AGO4: variants seen among roughly 807,000 people sequenced by gnomAD.
The protein encoded by AGO4 is protein argonaute-4.
AGO4 carries 33 observed loss-of-function variants against 104.7 expected under a neutral mutation model. The observed-to-expected ratio is 0.32, with a 90% CI of 0.24 to 0.42. The LOEUF (loss-of-function observed/expected upper bound fraction) is 0.42, where lower values mean the gene tolerates loss of function less well. Ranked by LOEUF, AGO4 falls within the 10% of genes least tolerant of loss-of-function variation. The pLI, the probability that AGO4 is intolerant of heterozygous loss-of-function variation, is 1.00. For synonymous variants in AGO4, 331 were observed against 364.7 expected, an observed-to-expected ratio of 0.91 and a Z score of 1.05; for missense variants, 711 against 1,083.4, an observed-to-expected ratio of 0.66 and a Z score of 4.83.
At position 35,856,891 on chromosome 1, in the gene AGO4, G is replaced by C. The variant is rs540218933; in HGVS notation, c.*3286G>C. On this transcript the variant is annotated 3_prime_UTR_variant, in exon 18 of 18. Transcript: ENST00000373210. ...CAAATGTTGAACCAATTATGTTTTG[G>C]TGGTGGTGTTCTTAGCTGTTGAATC... is the stretch of plus-strand genomic sequence containing the variant. 1 of 152,130 alleles carries C rather than the reference G, an allele frequency of 6.6e-6. No individual in the cohort carries two copies. The highest frequency in any genetic ancestry group is 2.4e-5 in the African/African-American group (1 of 41,410). The allele number at this position is 152,130 out of a possible 1,614,324, so 9.4% of individuals were successfully genotyped here.
intron 2 of AGO4, among the ~76,000 whole-genome samples, chr1:35,821,070 T>C (rs1643877600): frequency 6.6e-6 from 1 of 152,210 alleles, no homozygotes; most frequent in Admixed American, 6.5e-5. Flanking sequence ...TTCTTTTTTC[T>C]TTTCTTTAAT....
intron 13 of AGO4, 108 bp downstream of exon 13, chr1:35,836,101 T>G: frequency 1.6e-6 from 2 of 1,238,230 alleles, no homozygotes; most frequent in Non-Finnish European, 2.2e-6. Flanking sequence ...TTCTCTTGTA[T>G]ATATATGCAC....
chr1:35,829,059 T>A (rs1399194628), intron 7 of AGO4, among the ~76,000 whole-genome samples: 1 of 151,406 alleles, frequency 6.6e-6, no homozygotes, highest in East Asian at 1.9e-4. Context: ...TTGCTTATAT[T>A]CTAATCTGAC....
chr1:35,809,741 C>G (rs1643437461), intron 1 of AGO4, among the ~76,000 whole-genome samples: 4 of 152,132 alleles, frequency 2.6e-5, no homozygotes, highest in Admixed American at 2.6e-4. Flanking sequence ...GGGAAAATTA[C>G]TCAATTCCTT....
intron 1 of AGO4, among the ~76,000 whole-genome samples, chr1:35,815,443 G>T (rs909801295): frequency 6.6e-6 from 1 of 152,046 alleles, no homozygotes; most frequent in Non-Finnish European, 1.5e-5. Context: ...ATTAATAGAT[G>T]TTCAAATCTT....
intron 1 of AGO4, among the ~76,000 whole-genome samples, chr1:35,816,473 G>A (rs1244077298): frequency 6.6e-6 from 1 of 152,056 alleles, no homozygotes; most frequent in Non-Finnish European, 1.5e-5. Context: ...AATAACTGTA[G>A]CCATCATCAT....
In AGO4 at chr1:35,841,826, A is replaced by G. The variant is rs1571302029; in HGVS notation, c.2175+76A>G. ...TATATATGCACATATATATATATAT[A>G]TATATATATATACACCATTTTTATA... On this transcript the variant is annotated intron_variant, in intron 15 of 17. Transcript: ENST00000373210. This position sits in a 1 kb window ranked among gnomAD's most constrained non-coding sequence, Gnocchi z 4.7. 2.4e-6 allele frequency: 2 copies of G among 838,260 alleles called. No homozygotes were observed. Among genetic ancestry groups the G allele is most frequent in the East Asian group, 7.3e-5 (2 of 27,370 alleles). The allele number at this position is 838,260 out of a possible 1,614,324, so 51.9% of individuals were successfully genotyped here.
intron 1 of AGO4, among the ~76,000 whole-genome samples, chr1:35,813,871 T>C (rs1198041487): frequency 1.3e-5 from 2 of 151,468 alleles, no homozygotes; most frequent in Non-Finnish European, 2.9e-5. Context: ...GTCAGGAGTT[T>C]GAGACCAGCC....
At chr1:35,830,390 T>C (rs1644152458) in intron 7 of AGO4, among the ~76,000 whole-genome samples, 1 of 152,154 alleles carries the variant, frequency 6.6e-6, no homozygotes, top group African/African-American at 2.4e-5. Flanking sequence ...TACATAAAGT[T>C]ATCTTAAGGG....
intron 2 of AGO4, among the ~76,000 whole-genome samples, chr1:35,822,144 T>C (rs777710858): frequency 6.6e-5 from 10 of 151,824 alleles, no homozygotes; most frequent in Non-Finnish European, 2.9e-5. Flanking sequence ...CCTCCCAAAG[T>C]GCTGGAATTG....
At chr1:35,830,037 G>A (rs1644140673) in intron 7 of AGO4, among the ~76,000 whole-genome samples, 1 of 150,432 alleles carries the variant, frequency 6.6e-6, no homozygotes, top group African/African-American at 2.4e-5. Flanking sequence ...CCAGCTAGTT[G>A]GGAGGCTGAG....
chr1:35,843,258 G>A, intron 15 of AGO4, among the ~76,000 whole-genome samples: 1 of 152,044 alleles, frequency 6.6e-6, no homozygotes, highest in Non-Finnish European at 1.5e-5. Context: ...TTGAGACGGG[G>A]TTTCACCATG....
chr1:35,842,490 C>T (rs1489724969), intron 15 of AGO4, among the ~76,000 whole-genome samples: 4 of 152,172 alleles, frequency 2.6e-5, no homozygotes, highest in African/African-American at 9.7e-5. Context: ...ATAATATTCT[C>T]ATCTGTAAAA....
At chr1:35,853,077 C>T (rs1644741571) in intron 17 of AGO4, among the ~76,000 whole-genome samples, 1 of 151,816 alleles carries the variant, frequency 6.6e-6, no homozygotes. Context: ...GGTGAAACCC[C>T]GTCTCTAGTA....
At chr1:35,825,578 T>A in intron 4 of AGO4, 84 bp downstream of exon 4, 2 of 1,544,440 alleles carry the variant, frequency 1.3e-6, no homozygotes, top group Middle Eastern at 1.8e-4. Context: ...AATTTCTGCA[T>A]AAGTCATTGT....
chr1:35,842,354 A>G (rs533489710), intron 15 of AGO4, among the ~76,000 whole-genome samples: 2 of 152,196 alleles, frequency 1.3e-5, no homozygotes, highest in Non-Finnish European at 2.9e-5. Context: ...ATTGTCTTCC[A>G]TGAAACCTGT....
intron 15 of AGO4, among the ~76,000 whole-genome samples, chr1:35,847,951 G>C (rs184575487): frequency 6.7e-6 from 1 of 150,150 alleles, no homozygotes; most frequent in East Asian, 1.9e-4. Context: ...GGTATAATTA[G>C]AATATCCAAA....
At chr1:35,834,570 A>G (rs1401061330) in intron 12 of AGO4, among the ~76,000 whole-genome samples, 1 of 152,234 alleles carries the variant, frequency 6.6e-6, no homozygotes, top group Non-Finnish European at 1.5e-5. Flanking sequence ...ATATTTGGTG[A>G]AAAGCACTTA....
intron 15 of AGO4, among the ~76,000 whole-genome samples, chr1:35,846,604 GAT>G (rs72414122): frequency 0.086 from 12,094 of 140,154 alleles, 632 homozygotes; most frequent in East Asian, 0.15. Flanking sequence ...CTCAAAAAAA[GAT>G]ATATATATAT....
Sources: gnomAD v4.1 joint callset for allele counts (sites outside exome capture counted in the v4.1 genomes callset) on GRCh38, gnomAD v4.1.1 for gene constraint, Gnocchi (gnomAD v3.1) non-coding constraint, MANE v1.5 for transcripts, NCBI Gene and HGNC (gene_info 2026-07-23, HGNC 2026-07-21) for gene names.